Variants in KAT6A observed in about 807,000 individuals in gnomAD.
KAT6A encodes histone acetyltransferase KAT6A.
In KAT6A, 9 loss-of-function variants were observed where a neutral mutation model predicts 198.4. That is an observed-to-expected ratio of 0.05 (90% CI 0.03 to 0.08). The LOEUF (loss-of-function observed/expected upper bound fraction) is 0.08, where lower values mean the gene tolerates loss of function less well. Among genes scored for constraint, KAT6A ranks in the 10% least tolerant of loss-of-function variants. The pLI, the probability that KAT6A is intolerant of heterozygous loss-of-function variation, is 1.00. For synonymous variants in KAT6A, 890 were observed against 883.0 expected, an observed-to-expected ratio of 1.01 and a Z score of -0.14; for missense variants, 2,077 against 2,509.9, an observed-to-expected ratio of 0.83 and a Z score of 3.69.
intron 2 of KAT6A, 39 bp downstream of exon 2, chr8:42,048,336 TATC>T (rs770477374): frequency 3.8e-6 from 6 of 1,589,748 alleles, no homozygotes; most frequent in South Asian, 1.1e-5. Context: ...TAGCATCCTA[TATC>T]ATCAGCTCTA....
chr8:41,978,885 A>G lies in KAT6A; in HGVS notation c.908-108T>C, dbSNP rs189457887. 390 of 1,018,794 alleles carry G rather than the reference A, an allele frequency of 3.8e-4. 2 individuals carry two copies. The African/African-American group carries it at 6.0e-3, about 16-fold the overall frequency. The allele number at this position is 1,018,794 out of a possible 1,614,324, so 63.1% of individuals were successfully genotyped here. On this transcript the variant is annotated intron_variant, in intron 5 of 16. Transcript: ENST00000265713. ...TAACTTTTTCAGGTAAAAGACTGTC[A>G]TTAGAAAATCTGATGAATACCCCCT...
intron 2 of KAT6A, among the ~76,000 whole-genome samples, chr8:42,027,602 T>C (rs9987127): frequency 0.26 from 39,173 of 152,064 alleles, 5,547 homozygotes; most frequent in Middle Eastern, 0.42. Context: ...TAATAGTTGC[T>C]GACGATCCTT....
At chr8:41,937,612 CT>C (rs1227857606) in intron 15 of KAT6A, 44 bp from the exon 16 acceptor site, 5 of 1,433,250 alleles carry the variant, frequency 3.5e-6, no homozygotes, top group Non-Finnish European at 4.8e-6. Context: ...TGAACACTAT[CT>C]TTTCTATTAA....
intron 2 of KAT6A, among the ~76,000 whole-genome samples, chr8:42,029,214 T>A (rs1487835271): frequency 6.6e-6 from 1 of 152,206 alleles, no homozygotes; most frequent in Non-Finnish European, 1.5e-5. Context: ...ATTTTTAGAA[T>A]TCTCTGTCTT....
rs147127020 is a variant in KAT6A, at chr8:41,938,680, C to T, written c.3040-1112G>A. Reference sequence around the variant, plus strand: ...AAACACAGGAGGCCAGGCGCGGTGGCTCACACCTGTAATCCCAGCACCTTG... The same window carrying T: ...AAACACAGGAGGCCAGGCGCGGTGGTTCACACCTGTAATCCCAGCACCTTG... On this transcript the variant is annotated intron_variant, in intron 15 of 16. Transcript: ENST00000265713. Among the ~76,000 whole-genome samples, 1,246 of 152,170 alleles carry T rather than the reference C, an allele frequency of 8.2e-3. 17 individuals are homozygous for T. Among genetic ancestry groups the T allele is most frequent in the African/African-American group, 0.029 (1,207 of 41,504 alleles).
Position 42,048,370 on chromosome 8 carries a change from AT to A in KAT6A, c.600+7del. ...CTCTATAAACCCCGAAGCATATGCC[AT>A]TCTTACCTTATCCTTTTCATGTGGA... On this transcript the variant is annotated splice_region_variant and intron_variant, in intron 2 of 16. Transcript: ENST00000265713. The A allele has an allele frequency of 6.2e-7, 1 of 1,612,658 alleles. No individual in the cohort carries two copies. The highest frequency in any genetic ancestry group is 8.5e-7 in the Non-Finnish European group (1 of 1,178,752).
At chr8:42,013,133 A>G (rs1826100233) in intron 2 of KAT6A, among the ~76,000 whole-genome samples, 3 of 151,504 alleles carry the variant, frequency 2.0e-5, no homozygotes, top group South Asian at 2.1e-4. Context: ...GATTGGTTAT[A>G]TAACTCTATC....
chr8:41,991,788 G>C (rs1033657824), intron 2 of KAT6A, among the ~76,000 whole-genome samples: 1 of 152,096 alleles, frequency 6.6e-6, no homozygotes, highest in Non-Finnish European at 1.5e-5. Flanking sequence ...TCAGAACGTG[G>C]AGGGGGCAGA....
chr8:42,018,840 G>C (rs776206751), intron 2 of KAT6A, among the ~76,000 whole-genome samples: 1 of 152,114 alleles, frequency 6.6e-6, no homozygotes. Context: ...AGAATAGCCT[G>C]AACTGGGGAG....
At chr8:42,020,257 C>T (rs558659122) in intron 2 of KAT6A, among the ~76,000 whole-genome samples, 3 of 152,132 alleles carry the variant, frequency 2.0e-5, no homozygotes, top group South Asian at 2.1e-4. Flanking sequence ...CTGTATGGCC[C>T]GCAAAGCCTA....
intron 2 of KAT6A, among the ~76,000 whole-genome samples, chr8:42,030,883 G>A (rs776833092): frequency 4.6e-5 from 7 of 151,974 alleles, no homozygotes; most frequent in African/African-American, 9.6e-5. Flanking sequence ...CCGCCTCTCC[G>A]TTAAAATCTT....
chr8:41,976,938 T>C (rs1824082424), intron 7 of KAT6A, 70 bp downstream of exon 7: 1 of 1,207,706 alleles, frequency 8.3e-7, no homozygotes, highest in Admixed American at 2.3e-5. Context: ...CCATTATAGA[T>C]AATTAGTGTT....
In KAT6A at chr8:42,049,202, G is replaced by T; in HGVS notation, c.-225C>A. ...TTGAAATGTCTTCCAACTTCCCAAT[G>T]AATTTCTCAATAGCACCACACATGG... On this transcript the variant is annotated 5_prime_UTR_variant, in exon 2 of 17. Transcript: ENST00000265713. The T allele has an allele frequency of 2.0e-6, 1 of 507,576 alleles. No homozygotes were observed. The highest frequency in any genetic ancestry group is 3.0e-5 in the East Asian group (1 of 33,090). The allele number at this position is 507,576 out of a possible 1,614,324, so 31.4% of individuals were successfully genotyped here.
intron 8 of KAT6A, among the ~76,000 whole-genome samples, chr8:41,968,066 A>T (rs1165498590): frequency 6.6e-6 from 1 of 152,124 alleles, no homozygotes; most frequent in Non-Finnish European, 1.5e-5. Context: ...AGGCATGGGC[A>T]AGGACTTCAT....
intron 12 of KAT6A, among the ~76,000 whole-genome samples, chr8:41,946,052 G>A (rs1483709737): frequency 1.3e-5 from 2 of 150,826 alleles, no homozygotes; most frequent in East Asian, 3.9e-4. Context: ...AAAAAAATTC[G>A]TGTCCAACCA....
At chr8:42,020,419 T>G (rs1045282525) in intron 2 of KAT6A, among the ~76,000 whole-genome samples, 1 of 152,180 alleles carries the variant, frequency 6.6e-6, no homozygotes, top group African/African-American at 2.4e-5. Context: ...CATAAATCTG[T>G]CAAAAAGCAA....
At chr8:41,999,685 A>T (rs1825389865) in intron 2 of KAT6A, among the ~76,000 whole-genome samples, 1 of 152,136 alleles carries the variant, frequency 6.6e-6, no homozygotes. Context: ...CTACTCATTC[A>T]TCTTCAGAAA....
intron 3 of KAT6A, among the ~76,000 whole-genome samples, chr8:41,984,483 G>A (rs1057047698): frequency 2.0e-5 from 3 of 152,146 alleles, no homozygotes; most frequent in Admixed American, 6.5e-5. Flanking sequence ...GATGACTGCA[G>A]CACCAGTTAA....
intron 2 of KAT6A, among the ~76,000 whole-genome samples, chr8:42,025,423 G>A (rs1006032430): frequency 1.1e-5 from 1 of 92,260 alleles, no homozygotes; most frequent in African/African-American, 5.9e-5. Context: ...ATGTTGGGTA[G>A]GCTGGTCTCG....
Sources: allele counts gnomAD v4.1 joint callset (sites outside exome capture counted in the v4.1 genomes callset), GRCh38; gene constraint gnomAD v4.1.1; transcripts MANE v1.5; gene names NCBI Gene and HGNC (gene_info 2026-07-23, HGNC 2026-07-21).